RALGAPA1: variants seen among roughly 807,000 people sequenced by gnomAD.
The protein encoded by RALGAPA1 is ral GTPase-activating protein subunit alpha-1.
RALGAPA1 carries 52 observed loss-of-function variants against 269.6 expected under a neutral mutation model. That is an observed-to-expected ratio of 0.19 (90% CI 0.15 to 0.24). RALGAPA1 has a LOEUF of 0.24. Ranked by LOEUF, RALGAPA1 falls within the 10% of genes least tolerant of loss-of-function variation. The pLI is 1.00. For missense variants in RALGAPA1, 1,917 were observed against 3,013.9 expected, an observed-to-expected ratio of 0.64 and a Z score of 8.52; for synonymous variants, 817 against 1,008.3, an observed-to-expected ratio of 0.81 and a Z score of 3.60.
intron 1 of RALGAPA1, among the ~76,000 whole-genome samples, chr14:35,787,781 T>A (rs1432112713): frequency 6.7e-6 from 1 of 149,880 alleles, no homozygotes; most frequent in Non-Finnish European, 1.5e-5. Flanking sequence ...GGGGTCTCAC[T>A]ATGTCGCCCA....
At chr14:35,729,670 C>T (rs891068394) in intron 12 of RALGAPA1, among the ~76,000 whole-genome samples, 1 of 152,104 alleles carries the variant, frequency 6.6e-6, no homozygotes, top group African/African-American at 2.4e-5. Flanking sequence ...GCTTGAGGAA[C>T]GGCAAGGAGT....
chr14:35,556,509 T>A (rs562574300), intron 39 of RALGAPA1, among the ~76,000 whole-genome samples: 17 of 152,346 alleles, frequency 1.1e-4, no homozygotes, highest in African/African-American at 4.1e-4. Flanking sequence ...GTTATTAATA[T>A]TGCTTATACT....
intron 1 of RALGAPA1, among the ~76,000 whole-genome samples, chr14:35,806,996 C>T (rs567265806): frequency 1.3e-5 from 2 of 152,184 alleles, no homozygotes; most frequent in East Asian, 3.9e-4. Flanking sequence ...TATGTGTGAC[C>T]TCTCTCTTAA....
At chr14:35,621,206 C>G (rs184139834) in intron 35 of RALGAPA1, among the ~76,000 whole-genome samples, 1 of 152,156 alleles carries the variant, frequency 6.6e-6, no homozygotes, top group Admixed American at 6.5e-5. Flanking sequence ...GAAATAATAC[C>G]ACACATCTAC....
At chr14:35,692,431 C>T (rs1341342329) in intron 17 of RALGAPA1, among the ~76,000 whole-genome samples, 1 of 151,112 alleles carries the variant, frequency 6.6e-6, no homozygotes, top group African/African-American at 2.4e-5. Flanking sequence ...TTTAGGAATT[C>T]CTTCCCAAAC....
At position 35,700,367 on chromosome 14, in the gene RALGAPA1, G is replaced by A. The variant is rs1249565133; in HGVS notation, c.2267-65C>T. ...GAAGAGTGACTATAATGAAAGGCTC[G>A]TGTCACAGAAAAAGCAGCAACAGAG... On this transcript the variant is annotated intron_variant, in intron 16 of 41. Transcript: ENST00000680220. 2.0e-5 allele frequency: 26 copies of A among 1,301,420 alleles called. 1 individual carries two copies. The South Asian group carries it at 3.4e-4, about 17-fold the overall frequency. 80.6% of individuals were successfully genotyped at this position (1,301,420 alleles called of 1,614,324 possible).
chr14:35,655,796 G>C lies in RALGAPA1; in HGVS notation c.5496+11C>G, dbSNP rs1457423588. ...CTATCTTAATATATTTCACTAAACA[G>C]TTTTCTTTACCTTTAAGGAAACACA... On this transcript the variant is annotated intron_variant, in intron 29 of 41. Transcript: ENST00000680220. 4 of 1,610,186 alleles carry C rather than the reference G, an allele frequency of 2.5e-6. No individual in the cohort carries two copies. The highest frequency in any genetic ancestry group is 3.4e-6 in the Non-Finnish European group (4 of 1,178,964).
intron 1 of RALGAPA1, among the ~76,000 whole-genome samples, chr14:35,786,725 C>A (rs537294204): frequency 2.0e-5 from 3 of 152,232 alleles, no homozygotes; most frequent in Admixed American, 6.5e-5. Flanking sequence ...GCTATTAAAT[C>A]GAAATTTTAA....
intron 31 of RALGAPA1, among the ~76,000 whole-genome samples, chr14:35,647,804 T>G (rs1435284477): frequency 6.7e-6 from 1 of 149,830 alleles, no homozygotes; most frequent in Non-Finnish European, 1.5e-5. Context: ...AATACAAAAA[T>G]TAGCATAGTG....
At chr14:35,762,652 G>C in intron 5 of RALGAPA1, 58 bp downstream of exon 5, 1 of 939,790 alleles carries the variant, frequency 1.1e-6, no homozygotes, top group Non-Finnish European at 1.8e-6. Flanking sequence ...GTGTTAACAG[G>C]TGGGATGTAT....
In RALGAPA1 at chr14:35,674,592, A is replaced by G; in HGVS notation, c.4742T>C (p.Val1581Ala). The G allele has an allele frequency of 1.9e-6, 3 of 1,608,648 alleles. No individual in the cohort carries two copies. In the African/African-American group the frequency reaches 4.0e-5, roughly 21 times the overall value. ...WRRMLGILGD[V>A]NSIMDPEIHA... Reference sequence around the variant, plus strand: ...TATTTCAGGATCCATGATTGAATTTACATCTCCCAAAATGCCTAGCATTCT... The same window carrying G: ...TATTTCAGGATCCATGATTGAATTTGCATCTCCCAAAATGCCTAGCATTCT... Residue 1581 changes from valine (V) to alanine (A), a missense_variant, in exon 23 of 42, where the codon GTA becomes GCA. Val to Ala is a moderately conservative substitution (Grantham distance 64). Transcript: ENST00000680220.
intron 12 of RALGAPA1, among the ~76,000 whole-genome samples, chr14:35,731,049 A>T (rs1464852278): frequency 6.6e-6 from 1 of 152,246 alleles, no homozygotes; most frequent in Non-Finnish European, 1.5e-5. Context: ...CAGACAGTTC[A>T]CATCACATGA....
chr14:35,729,813 C>G (rs554955999), intron 12 of RALGAPA1, among the ~76,000 whole-genome samples: 1 of 152,114 alleles, frequency 6.6e-6, no homozygotes, highest in Admixed American at 6.5e-5. Flanking sequence ...TTTTGCAGAT[C>G]AATCCTATTT....
chr14:35,731,949 T>A (rs972583216), intron 12 of RALGAPA1, among the ~76,000 whole-genome samples: 1 of 152,094 alleles, frequency 6.6e-6, no homozygotes, highest in African/African-American at 2.4e-5. Context: ...TTATCTAAAG[T>A]TAAGATGAAG....
chr14:35,705,961 T>C (rs987389588), intron 16 of RALGAPA1, among the ~76,000 whole-genome samples: 1 of 152,208 alleles, frequency 6.6e-6, no homozygotes, highest in African/African-American at 2.4e-5. Context: ...GGTGAGATGT[T>C]TGTTCACATC....
chr14:35,743,470 G>A (rs1036062860), intron 10 of RALGAPA1, among the ~76,000 whole-genome samples: 1 of 152,018 alleles, frequency 6.6e-6, no homozygotes, highest in Non-Finnish European at 1.5e-5. Context: ...ATATAAATAC[G>A]ACTTTTCATA....
rs147513609 is a variant in RALGAPA1, at chr14:35,712,159, A to C, written c.2266+9529T>G. Among the ~76,000 whole-genome samples, 372 of 150,638 alleles carry C rather than the reference A, an allele frequency of 2.5e-3. 1 individual carries two copies. Among genetic ancestry groups the C allele is most frequent in the African/African-American group, 8.8e-3 (359 of 40,752 alleles). The stretch of plus-strand genomic sequence containing the variant: ...CTACTCAGGAGGCTGAGGCAGGAAA[A>C]TTGCTTGAACCTGGGAGGCGAAGGT... On this transcript the variant is annotated intron_variant, in intron 16 of 41. Coordinates refer to ENST00000680220, the MANE Select transcript of RALGAPA1 (RefSeq NM_001346249.2).
At chr14:35,557,098 ATGTGTGTGTGTG>A (rs56835063) in intron 39 of RALGAPA1, among the ~76,000 whole-genome samples, 9 of 142,512 alleles carry the variant, frequency 6.3e-5, no homozygotes, top group Middle Eastern at 3.6e-3. Flanking sequence ...TCCAATATGT[ATGTGTGTGTGTG>A]TGTGTGTGTG....
intron 11 of RALGAPA1, among the ~76,000 whole-genome samples, 162 bp downstream of exon 11, chr14:35,742,206 C>T (rs1439389118): frequency 6.6e-6 from 1 of 152,194 alleles, no homozygotes; most frequent in African/African-American, 2.4e-5. Flanking sequence ...CTATACGGTA[C>T]TGAGATGACT....
Sources: allele counts gnomAD v4.1 joint callset (sites outside exome capture counted in the v4.1 genomes callset), GRCh38; gene constraint gnomAD v4.1.1; transcripts MANE v1.5; gene names NCBI Gene and HGNC (gene_info 2026-07-23, HGNC 2026-07-21).